Variants in ASAH2 observed in about 807,000 individuals in gnomAD.
ASAH2 encodes the protein neutral ceramidase.
A neutral mutation model predicts 82.9 loss-of-function variants in ASAH2; 58 were observed. That is an observed-to-expected ratio of 0.70 (90% CI 0.57 to 0.87). The LOEUF (loss-of-function observed/expected upper bound fraction) is 0.87. ASAH2 is among the 40% of genes least tolerant of loss of function. The probability of loss-of-function intolerance (pLI) is 0.00; values close to 1 mark genes in which losing one functional copy is unlikely to be tolerated. For synonymous variants in ASAH2, 276 were observed against 289.7 expected (o/e 0.95, Z 0.48); for missense variants, 779 against 834.0 (o/e 0.93, Z 0.81).
Position 50,206,112 on chromosome 10 carries a change from A to G in ASAH2, c.1415-15T>C. 1.3e-6 allele frequency: 2 copies of G among 1,546,226 alleles called. No homozygotes were observed. Among genetic ancestry groups the G allele is most frequent in the Non-Finnish European group, 1.8e-6 (2 of 1,118,430 alleles). ...TTCTGTTTTCCCTATTAGAAATGTT[A>G]TAATTAGTATACTTCCTTGAACCAA... On this transcript the variant is annotated splice_polypyrimidine_tract_variant and intron_variant, in intron 12 of 20. Transcript: ENST00000682911.
chr10:50,203,587 T>A (rs1172024145), intron 15 of ASAH2, 53 bp downstream of exon 15: 10 of 1,507,438 alleles, frequency 6.6e-6, no homozygotes, highest in Non-Finnish European at 8.3e-6. Context: ...AGGATATACT[T>A]TCCTCTTCAC....
intron 13 of ASAH2, 37 bp from the exon 14 acceptor site, chr10:50,204,992 A>C: frequency 7.0e-7 from 1 of 1,426,562 alleles, no homozygotes; most frequent in Non-Finnish European, 9.7e-7. Flanking sequence ...GTTAGGGATA[A>C]CACTCTCTCT....
intron 1 of ASAH2, among the ~76,000 whole-genome samples, chr10:50,249,733 T>C (rs1589365201): frequency 6.6e-6 from 1 of 152,208 alleles, no homozygotes; most frequent in African/African-American, 2.4e-5. Context: ...GATTCCAAAG[T>C]AGCAAAGAGT....
At chr10:50,197,331 G>A (rs1395581240) in intron 17 of ASAH2, among the ~76,000 whole-genome samples, 4 of 151,492 alleles carry the variant, frequency 2.6e-5, no homozygotes, top group Admixed American at 2.0e-4. Context: ...TGAGTACCAA[G>A]TTTTTTCCTA....
intron 16 of ASAH2, 148 bp downstream of exon 16, chr10:50,202,681 T>A: frequency 1.4e-6 from 1 of 691,354 alleles, no homozygotes; most frequent in Non-Finnish European, 2.6e-6. Context: ...ATACGGCCTC[T>A]GGCTTATCAT....
intron 7 of ASAH2, among the ~76,000 whole-genome samples, chr10:50,224,504 T>A (rs1358660784): frequency 1.3e-5 from 2 of 152,156 alleles, no homozygotes; most frequent in African/African-American, 4.8e-5. Context: ...AATGATTCAG[T>A]GAGGATAGCC....
chr10:50,242,806 T>C (rs191352832), intron 4 of ASAH2, among the ~76,000 whole-genome samples: 1 of 152,352 alleles, frequency 6.6e-6, no homozygotes, highest in East Asian at 1.9e-4. Flanking sequence ...TCGCATCCGA[T>C]TCCTCACATG....
At chr10:50,233,710 C>G (rs1403853890) in intron 6 of ASAH2, among the ~76,000 whole-genome samples, 1 of 152,008 alleles carries the variant, frequency 6.6e-6, no homozygotes, top group Non-Finnish European at 1.5e-5. Context: ...AAAATCATCT[C>G]CTTTGAAAGC....
chr10:50,241,307 A>G (rs1157046151), intron 4 of ASAH2, among the ~76,000 whole-genome samples: 1 of 152,162 alleles, frequency 6.6e-6, no homozygotes, highest in East Asian at 1.9e-4. Context: ...GTAATTTCCT[A>G]CTCAGTAATA....
intron 9 of ASAH2, among the ~76,000 whole-genome samples, chr10:50,213,859 G>C (rs543246178): frequency 2.6e-5 from 4 of 152,208 alleles, no homozygotes; most frequent in African/African-American, 9.6e-5. Flanking sequence ...CCATTGGGTG[G>C]AGTTGACTGG....
In ASAH2 at chr10:50,247,214, G is replaced by A. The variant is rs140608967; in HGVS notation, c.127+1270C>T. ...GTCACCCAGACTGGAGTGCAGTGGC[G>A]TGATCTCAGCTCACTGCAACCTCTG... On this transcript the variant is annotated intron_variant, in intron 2 of 20. Coordinates refer to ENST00000682911, the MANE Select transcript of ASAH2 (RefSeq NM_019893.4). 2.9e-3 allele frequency among the ~76,000 whole-genome samples: 440 copies of A among 151,182 alleles called. 3 individuals carry two copies. Among genetic ancestry groups the A allele is most frequent in the African/African-American group, 0.01 (425 of 41,152 alleles).
intron 4 of ASAH2, chr10:50,240,552 C>T (rs1395703848): frequency 1.4e-6 from 1 of 702,166 alleles, no homozygotes; most frequent in African/African-American, 1.7e-5. Context: ...GTCCATATCA[C>T]CCACAGAATT....
chr10:50,250,265 C>A (rs1023350586), intron 1 of ASAH2, among the ~76,000 whole-genome samples: 23 of 152,122 alleles, frequency 1.5e-4, no homozygotes, highest in African/African-American at 5.6e-4. Flanking sequence ...TTTTGCAATT[C>A]CTGGGCTAGA....
chr10:50,234,603 G>A (rs1846102275), intron 5 of ASAH2, 51 bp from the exon 6 acceptor site: 2 of 1,611,280 alleles, frequency 1.2e-6, no homozygotes, highest in Non-Finnish European at 1.7e-6. Context: ...TCCTGGTGGG[G>A]ACAATAACTT....
At chr10:50,194,989 T>G (rs1844936817) in intron 18 of ASAH2, among the ~76,000 whole-genome samples, 5 of 151,164 alleles carry the variant, frequency 3.3e-5, no homozygotes, top group South Asian at 2.1e-4. Context: ...GGCGATGTTT[T>G]TTTTTTTTTA....
intron 2 of ASAH2, among the ~76,000 whole-genome samples, chr10:50,247,068 T>C (rs568773571): frequency 3.3e-5 from 5 of 152,304 alleles, no homozygotes; most frequent in African/African-American, 1.2e-4. Context: ...ACTACTGCCA[T>C]AAGAATAGTT....
chr10:50,243,116 C>G (rs1846347126), intron 4 of ASAH2, 86 bp downstream of exon 4: 2 of 1,476,826 alleles, frequency 1.4e-6, no homozygotes, highest in Non-Finnish European at 9.3e-7. Flanking sequence ...AATGAGAAAC[C>G]AAGAGGAATT....
intron 1 of ASAH2, among the ~76,000 whole-genome samples, chr10:50,250,749 G>A (rs1308412251): frequency 6.6e-6 from 1 of 152,210 alleles, no homozygotes; most frequent in Non-Finnish European, 1.5e-5. Context: ...ATCAAACAGA[G>A]AGGGTACAAA....
At chr10:50,218,247 T>A (rs1338508307) in intron 8 of ASAH2, among the ~76,000 whole-genome samples, 1 of 152,216 alleles carries the variant, frequency 6.6e-6, no homozygotes, top group African/African-American at 2.4e-5. Context: ...AATCTTGAAC[T>A]TTGCCCTTCC....
Sources: allele counts gnomAD v4.1 joint callset (sites outside exome capture counted in the v4.1 genomes callset), GRCh38; gene constraint gnomAD v4.1.1; transcripts MANE v1.5; gene names NCBI Gene and HGNC (gene_info 2026-07-23, HGNC 2026-07-21).